MYO3A: variants seen among roughly 807,000 people sequenced by gnomAD.
The protein encoded by MYO3A is myosin IIIA.
MYO3A carries 180 observed loss-of-function variants against 192.7 expected under a neutral mutation model. The ratio of observed to expected loss-of-function variants is 0.93; its 90% CI spans 0.83 to 1.06. The LOEUF (loss-of-function observed/expected upper bound fraction) is 1.06. Among genes scored for constraint, MYO3A ranks in the 50% least tolerant of loss-of-function variants. MYO3A has a pLI of 0.00. For missense variants in MYO3A, 1,896 were observed against 1,905.0 expected (o/e 1.00, Z 0.09); for synonymous variants, 628 against 645.3 (o/e 0.97, Z 0.41).
At chr10:26,154,349 T>C (rs1263264322) in intron 24 of MYO3A, among the ~76,000 whole-genome samples, 2 of 152,164 alleles carry the variant, frequency 1.3e-5, no homozygotes, top group Non-Finnish European at 2.9e-5. Context: ...CCAGCTAATT[T>C]TTCTATTTTT....
chr10:26,134,134 A>G (rs1347091429), intron 20 of MYO3A, among the ~76,000 whole-genome samples: 1 of 152,126 alleles, frequency 6.6e-6, no homozygotes, highest in Non-Finnish European at 1.5e-5. Context: ...TAGTATATAT[A>G]TTTTTTTCTG....
intron 6 of MYO3A, among the ~76,000 whole-genome samples, chr10:26,005,198 A>G (rs1379053759): frequency 6.6e-6 from 1 of 152,218 alleles, no homozygotes; most frequent in Non-Finnish European, 1.5e-5. Context: ...GAGAGGATGC[A>G]ATGAGAAGAC....
intron 26 of MYO3A, among the ~76,000 whole-genome samples, chr10:26,164,662 C>T (rs987039498): frequency 3.9e-5 from 6 of 152,124 alleles, no homozygotes; most frequent in African/African-American, 1.2e-4. Context: ...CCACAGGGAG[C>T]CGACTGTGAA....
intron 4 of MYO3A, among the ~76,000 whole-genome samples, chr10:25,977,557 T>G (rs1271511663): frequency 1.3e-5 from 2 of 152,132 alleles, no homozygotes; most frequent in Non-Finnish European, 1.5e-5. Flanking sequence ...TTTTAAAAAT[T>G]TTGTCATTTG....
Position 25,996,534 on chromosome 10 carries a change from G to A in MYO3A, c.348G>A (p.Leu116=), listed in dbSNP as rs1283308639. ...GSVTDLVKGF[L]KRGERMSEPL... ...TGACTGACCTTGTGAAAGGATTTCTGAAGAGGGGTGAAAGAATGAGTGAGC... is the reference window on the plus strand; with the variant it reads ...TGACTGACCTTGTGAAAGGATTTCTAAAGAGGGGTGAAAGAATGAGTGAGC... Residue 116 remains leucine (L), a synonymous_variant, in exon 5 of 35, where the codon CTG becomes CTA. Transcript: ENST00000642920. The A allele has an allele frequency of 6.2e-7, 1 of 1,613,914 alleles. No homozygotes were observed.
intron 27 of MYO3A, 141 bp downstream of exon 27, chr10:26,166,319 A>G: frequency 2.7e-6 from 2 of 740,396 alleles, no homozygotes; most frequent in Non-Finnish European, 2.3e-6. Context: ...AAAGTTATAA[A>G]CTCATAAAGA....
chr10:26,179,564 C>T (rs191589663), intron 31 of MYO3A, among the ~76,000 whole-genome samples: 16 of 152,232 alleles, frequency 1.1e-4, no homozygotes, highest in African/African-American at 3.9e-4. Flanking sequence ...GTTGCAGTTT[C>T]TAAGAACCCA....
intron 32 of MYO3A, 108 bp from the exon 33 acceptor site, chr10:26,201,157 C>A: frequency 2.3e-6 from 1 of 431,936 alleles, no homozygotes; most frequent in Admixed American, 4.6e-5. Flanking sequence ...TTATTTCTAA[C>A]TTAGTCTTTT....
chr10:26,026,449 T>C lies in MYO3A; in HGVS notation c.870T>C (p.Ile290=), dbSNP rs773463362. Residue 290 remains isoleucine (I), a synonymous_variant, in exon 10 of 35, where the codon ATT becomes ATC. Transcript: ENST00000642920. ...ELLQHKFITQ[I]EGKDVMLQKQ... Reference sequence around the variant, plus strand: ...TACAGCATAAATTCATTACTCAAATTGAGGGCAAAGATGTGATGCTACAAA... The same window carrying C: ...TACAGCATAAATTCATTACTCAAATCGAGGGCAAAGATGTGATGCTACAAA... The C allele has an allele frequency of 1.9e-6, 3 of 1,614,136 alleles. No individual in the cohort carries two copies. The highest frequency in any genetic ancestry group is 2.5e-6 in the Non-Finnish European group (3 of 1,180,010).
chr10:26,158,254 A>T lies in MYO3A; in HGVS notation c.2999+739A>T, dbSNP rs898353726. ...ATTGGTATAAGGAATGTTTTATTTT[A>T]TTTTTTTTTTTTTTTTGAGACGGAG... On this transcript the variant is annotated intron_variant, in intron 26 of 34. Transcript: ENST00000642920. 4.6e-4 allele frequency among the ~76,000 whole-genome samples: 65 copies of T among 141,462 alleles called. 1 individual carries two copies. Among genetic ancestry groups the T allele is most frequent in the African/African-American group, 6.9e-4 (27 of 39,252 alleles). The allele number at this position is 141,462 out of a possible 152,430, so 92.8% of individuals were successfully genotyped here.
At chr10:26,090,472 C>T (rs2131524019) in intron 15 of MYO3A, among the ~76,000 whole-genome samples, 1 of 152,224 alleles carries the variant, frequency 6.6e-6, no homozygotes, top group Middle Eastern at 3.4e-3. Flanking sequence ...TACAAGTTTG[C>T]TTATTGGGGA....
At chr10:25,967,620 A>C (rs1215450466) in intron 4 of MYO3A, among the ~76,000 whole-genome samples, 1 of 152,248 alleles carries the variant, frequency 6.6e-6, no homozygotes, top group East Asian at 1.9e-4. Context: ...AAGAAAAATC[A>C]GTCAATAGAG....
chr10:25,989,503 A>C (rs1041936050), intron 4 of MYO3A, among the ~76,000 whole-genome samples: 10 of 152,146 alleles, frequency 6.6e-5, no homozygotes, highest in African/African-American at 2.4e-4. Flanking sequence ...ACCTGAAAGA[A>C]GTTTTCTCTG....
At chr10:26,151,733 T>C (rs556940714) in intron 23 of MYO3A, among the ~76,000 whole-genome samples, 3 of 152,320 alleles carry the variant, frequency 2.0e-5, no homozygotes, top group East Asian at 3.9e-4. Flanking sequence ...GTTGGTTATA[T>C]TGGCTTATTT....
intron 34 of MYO3A, among the ~76,000 whole-genome samples, chr10:26,204,800 A>C (rs1843834960): frequency 6.6e-6 from 1 of 152,232 alleles, no homozygotes; most frequent in African/African-American, 2.4e-5. Flanking sequence ...TACCTCCAAG[A>C]GCTTGATGCT....
chr10:26,067,146 G>T (rs1243417451), intron 11 of MYO3A, 72 bp downstream of exon 11: 1 of 969,938 alleles, frequency 1.0e-6, no homozygotes, highest in Non-Finnish European at 1.7e-6. Context: ...ACGGGTATTG[G>T]TAGAAGGGGA....
At chr10:26,100,912 C>G (rs1217438826) in intron 17 of MYO3A, among the ~76,000 whole-genome samples, 1 of 152,172 alleles carries the variant, frequency 6.6e-6, no homozygotes, top group East Asian at 1.9e-4. Context: ...TCTGTTAGGT[C>G]TGCTTGTTGC....
At chr10:26,045,111 C>T (rs570916375) in intron 10 of MYO3A, among the ~76,000 whole-genome samples, 1 of 152,286 alleles carries the variant, frequency 6.6e-6, no homozygotes, top group Admixed American at 6.5e-5. Flanking sequence ...AGCAAGAACA[C>T]CCAGAGTGAC....
At chr10:26,046,983 A>G (rs1843666816) in intron 10 of MYO3A, among the ~76,000 whole-genome samples, 1 of 152,208 alleles carries the variant, frequency 6.6e-6, no homozygotes, top group Admixed American at 6.5e-5. Context: ...TTTAGGTAAG[A>G]TTCCCAAATT....
Sources: gnomAD v4.1 joint callset for allele counts (sites outside exome capture counted in the v4.1 genomes callset) on GRCh38, gnomAD v4.1.1 for gene constraint, MANE v1.5 for transcripts, NCBI Gene and HGNC (gene_info 2026-07-23, HGNC 2026-07-21) for gene names.